PI4KA: variants seen among roughly 807,000 people sequenced by gnomAD.
The protein encoded by PI4KA is phosphatidylinositol 4-kinase alpha.
In PI4KA, 122 loss-of-function variants were observed where a neutral mutation model predicts 271.4. That is an observed-to-expected ratio of 0.45 (90% confidence interval 0.39 to 0.52). The LOEUF (loss-of-function observed/expected upper bound fraction) is 0.52, where lower values mean the gene tolerates loss of function less well. Ranked by LOEUF, PI4KA falls within the 20% of genes least tolerant of loss-of-function variation. The pLI is 0.00. For missense variants in PI4KA, 1,969 were observed against 2,769.1 expected (o/e 0.71, Z 6.48); for synonymous variants, 1,041 against 1,078.8 (o/e 0.96, Z 0.69).
chr22:20,779,817 C>G, intron 19 of PI4KA: 1 of 1,614,194 alleles, frequency 6.2e-7, no homozygotes, highest in Non-Finnish European at 8.5e-7. Context: ...TTCCTTAGGT[C>G]TGAAGGGAGA....
Position 20,818,689 on chromosome 22 carries a change from A to G in PI4KA, c.790-140T>C, listed in dbSNP as rs925005880. The G allele has an allele frequency of 5.4e-6, 3 of 560,130 alleles. No homozygotes were observed. In the African/African-American group the frequency reaches 6.0e-5, roughly 11 times the overall value. The allele number at this position is 560,130 out of a possible 1,614,324, so 34.7% of individuals were successfully genotyped here. A position where few individuals can be genotyped will look rare whatever the true frequency, so the allele number is the denominator to read the frequency against. On this transcript the variant is annotated intron_variant, in intron 6 of 54. Coordinates refer to ENST00000255882, the MANE Select transcript of PI4KA (RefSeq NM_058004.4). The stretch of plus-strand genomic sequence containing the variant: ...AAGCCTCATTTCCTTCCTAAAGCCC[A>G]TCACAGCTACAGCATTCTCTACTAC...
At chr22:20,825,085 A>AAAAAAAT (rs1923237194) in intron 3 of PI4KA, among the ~76,000 whole-genome samples, 1 of 151,458 alleles carries the variant, frequency 6.6e-6, no homozygotes, top group African/African-American at 2.4e-5. Context: ...AAAAAAAAAA[A>AAAAAAAT]ATCAATTTTG....
At chr22:20,837,155 T>C (rs1025703247) in intron 2 of PI4KA, among the ~76,000 whole-genome samples, 8 of 152,104 alleles carry the variant, frequency 5.3e-5, no homozygotes, top group Non-Finnish European at 1.0e-4. Context: ...TTGGGAGGCC[T>C]AGGCACGAGG....
Position 20,729,407 on chromosome 22 carries a change from A to C in PI4KA, c.4588T>G (p.Ser1530Ala), listed in dbSNP as rs1274873434. The change falls in exon 39 of 55, where the codon TCT becomes GCT. Residue 1530 changes from serine (S) to alanine (A), a missense_variant. Around this residue, in one of 13 missense-constraint regions of PI4KA, gnomAD observed 388 missense variants for 521.5 expected, o/e 0.74. Transcript: ENST00000255882. ...AGENSVANWR[S>A]KYISLSEKQW... is the part of the protein sequence containing the mutation. ...TTCTCACTCAGGCTGATGTACTTAG[A>C]TCTCCAGTTGGCCACGCTGTTCTCT... 1 of 1,613,778 alleles carries C rather than the reference A, an allele frequency of 6.2e-7. No individual in the cohort carries two copies. Among genetic ancestry groups the C allele is most frequent in the East Asian group, 2.2e-5 (1 of 44,878 alleles).
At chr22:20,752,282 G>A (rs1930788842) in intron 25 of PI4KA, among the ~76,000 whole-genome samples, 1 of 152,176 alleles carries the variant, frequency 6.6e-6, no homozygotes, top group African/African-American at 2.4e-5. Context: ...CCCCTGGCTG[G>A]CTCCTGACCA....
chr22:20,810,167 T>C (rs1051537014), intron 9 of PI4KA, among the ~76,000 whole-genome samples: 4 of 152,038 alleles, frequency 2.6e-5, no homozygotes, highest in African/African-American at 4.8e-5. Flanking sequence ...ACCAATGTAA[T>C]GATTTCATAA....
In PI4KA at chr22:20,742,341, G is replaced by C; in HGVS notation, c.3628C>G (p.Leu1210Val). Residue 1210 changes from leucine to valine, a missense_variant, in exon 32 of 55, where the codon CTC (leucine) becomes GTC (valine). Physicochemically the swap from Leu to Val is conservative, Grantham distance 32. Coordinates refer to ENST00000255882, the MANE Select transcript of PI4KA (RefSeq NM_058004.4). Reference sequence around the variant, plus strand: ...GGACCCCAGCACAGATGATGAAGGAGCTGCGGGTCACAATCTGGAACCAAA... The same window carrying C: ...GGACCCCAGCACAGATGATGAAGGACCTGCGGGTCACAATCTGGAACCAAA... ...LISSKDCDPQ[L>V]LHHLCWGPLR... 1 of 1,614,080 alleles carries C rather than the reference G, an allele frequency of 6.2e-7. No individual in the cohort carries two copies. Among genetic ancestry groups the C allele is most frequent in the Non-Finnish European group, 8.5e-7 (1 of 1,179,964 alleles).
At chr22:20,786,774 T>C (rs747063293) in intron 19 of PI4KA, 26 of 1,188,546 alleles carry the variant, frequency 2.2e-5, no homozygotes, top group Non-Finnish European at 3.0e-5. Context: ...ACCTTACATG[T>C]TGTCTTTGGA....
chr22:20,760,685 T>C (rs1387175544), intron 23 of PI4KA, among the ~76,000 whole-genome samples: 1 of 152,188 alleles, frequency 6.6e-6, no homozygotes, highest in Non-Finnish European at 1.5e-5. Flanking sequence ...TTTTTATTCT[T>C]ATCTTAGCTT....
Position 20,780,864 on chromosome 22 carries a change from C to T in PI4KA, c.2328+12329G>A, listed in dbSNP as rs548879661. ...CAAAGCTGAACCCAGGGAGGCCAAC[C>T]CTAGCAATCTGTTAAATTGGAAGAA... On this transcript the variant is annotated intron_variant, in intron 19 of 54. Transcript: ENST00000255882. Among the ~76,000 whole-genome samples the T allele has an allele frequency of 5.9e-5, 9 of 151,976 alleles. No homozygotes were observed. In the South Asian group the frequency reaches 1.9e-3, roughly 32 times the overall value.
intron 19 of PI4KA, among the ~76,000 whole-genome samples, chr22:20,782,636 C>CGT (rs1294849400): frequency 1.3e-5 from 2 of 152,144 alleles, no homozygotes; most frequent in African/African-American, 4.8e-5. Context: ...CTGAAAGGGC[C>CGT]GTGATTCCCA....
chr22:20,712,909 A>G (rs1925497943), intron 48 of PI4KA, 112 bp from the exon 49 acceptor site: 5 of 1,515,278 alleles, frequency 3.3e-6, no homozygotes, highest in Middle Eastern at 2.3e-4. Context: ...TGAGGTGGGG[A>G]GACCACAGCC....
intron 23 of PI4KA, among the ~76,000 whole-genome samples, chr22:20,758,940 T>C (rs1931637657): frequency 6.6e-6 from 1 of 152,172 alleles, no homozygotes. Flanking sequence ...AAAAATAAAT[T>C]CATGCACCTG....
At chr22:20,742,170 C>T in intron 32 of PI4KA, 58 bp downstream of exon 32, 3 of 1,562,962 alleles carry the variant, frequency 1.9e-6, no homozygotes, top group Non-Finnish European at 1.7e-6. Flanking sequence ...CCAGGGAAGG[C>T]TCTTCCCGTC....
chr22:20,722,423 G>A (rs1926845713), intron 42 of PI4KA, among the ~76,000 whole-genome samples: 1 of 152,104 alleles, frequency 6.6e-6, no homozygotes, highest in African/African-American at 2.4e-5. Flanking sequence ...CTCACCTCAG[G>A]TGATCCACCC....
At chr22:20,841,343 T>C (rs1306937118) in intron 1 of PI4KA, among the ~76,000 whole-genome samples, 1 of 152,152 alleles carries the variant, frequency 6.6e-6, no homozygotes, top group Non-Finnish European at 1.5e-5. Context: ...TAGAAAGAAC[T>C]GAAGGCAGCA....
chr22:20,822,384 TCG>T (rs201414532), intron 4 of PI4KA, among the ~76,000 whole-genome samples: 2 of 113,430 alleles, frequency 1.8e-5, no homozygotes, highest in African/African-American at 3.8e-5. Flanking sequence ...AAGTCTTCTT[TCG>T]CACCTGCTTC....
intron 52 of PI4KA, 180 bp from the exon 53 acceptor site, chr22:20,710,177 C>T (rs555836057): frequency 4.6e-6 from 3 of 656,692 alleles, no homozygotes; most frequent in Non-Finnish European, 5.7e-6. Flanking sequence ...GTAACCCATA[C>T]CGCCCAGGCA....
At chr22:20,853,301 T>C (rs1230097157) in intron 1 of PI4KA, among the ~76,000 whole-genome samples, 2 of 152,042 alleles carry the variant, frequency 1.3e-5, no homozygotes, top group African/African-American at 2.4e-5. Flanking sequence ...TACAGGCCTA[T>C]AGAGGAGAGA....
Sources: gnomAD v4.1 joint callset for allele counts (sites outside exome capture counted in the v4.1 genomes callset) on GRCh38, gnomAD v4.1.1 for gene constraint, gnomAD v4.1.1 regional missense constraint, MANE v1.5 for transcripts, NCBI Gene and HGNC (gene_info 2026-07-23, HGNC 2026-07-21) for gene names.